SLC22A16: variants seen among roughly 807,000 people sequenced by gnomAD.
The protein encoded by SLC22A16 is solute carrier family 22 member 16.
Under a neutral mutation model 52.9 loss-of-function variants are expected in SLC22A16, and 53 were observed. The observed-to-expected ratio is 1.00, with a 90% CI of 0.80 to 1.26. The LOEUF (loss-of-function observed/expected upper bound fraction) is 1.26, where lower values mean the gene tolerates loss of function less well. SLC22A16 is among the 50% of genes most tolerant of loss of function. SLC22A16 has a pLI of 0.00. For synonymous variants in SLC22A16, 291 were observed against 268.8 expected (o/e 1.08, Z -0.81); for missense variants, 726 against 704.0 (o/e 1.03, Z -0.35).
intron 1 of SLC22A16, among the ~76,000 whole-genome samples, chr6:110,470,487 A>T (rs750831796): frequency 2.0e-5 from 3 of 151,768 alleles, no homozygotes; most frequent in Non-Finnish European, 4.4e-5. Context: ...TACTTCCCCC[A>T]TCCTTCCCAC....
Position 110,438,830 on chromosome 6 carries a change from C to A in SLC22A16, c.1201G>T (p.Ala401Ser). ...ATGGCGATGCACACGAAGGTGTAGGCGGGAATTTCCACTACACCTGTCATT... is the reference window on the plus strand; with the variant it reads ...ATGGCGATGCACACGAAGGTGTAGGAGGGAATTTCCACTACACCTGTCATT... ...LFLLGVVEIP[A>S]YTFVCIAMDK... is the part of the protein sequence containing the mutation. Residue 401 changes from alanine (A) to serine (S), a missense_variant, in exon 5 of 8, where the codon GCC becomes TCC. Coordinates refer to ENST00000368919, the MANE Select transcript of SLC22A16 (RefSeq NM_033125.4). The A allele has an allele frequency of 6.2e-7, 1 of 1,614,010 alleles. No homozygotes were observed. Among genetic ancestry groups the A allele is most frequent in the Non-Finnish European group, 8.5e-7 (1 of 1,179,944 alleles).
At position 110,435,929 on chromosome 6, in the gene SLC22A16, C is replaced by T. The variant is rs139688953; in HGVS notation, c.1344G>A (p.Met448Ile). The change falls in exon 6 of 8, where the codon ATG becomes ATA. Residue 448 changes from methionine (M) to isoleucine (I), a missense_variant. Transcript: ENST00000368919. ...KHYILGVVTA[M>I]VGKFAIGAAF... ...CTGCCCCGATGGCAAATTTTCCAAC[C>T]ATAGCTGTCACCACACCCAAAATAT... 2.7e-5 allele frequency: 44 copies of T among 1,613,870 alleles called. No homozygotes were observed. Among genetic ancestry groups the T allele is most frequent in the Middle Eastern group, 1.6e-4 (1 of 6,080 alleles).
chr6:110,472,119 C>T (rs757300665), intron 1 of SLC22A16, among the ~76,000 whole-genome samples: 15 of 152,348 alleles, frequency 9.8e-5, no homozygotes, highest in South Asian at 4.1e-4. Context: ...AGGCCTGCCC[C>T]GCCTGGAGGG....
intron 7 of SLC22A16, 197 bp from the exon 8 acceptor site, chr6:110,425,282 T>C: frequency 2.7e-6 from 4 of 1,509,126 alleles, no homozygotes; most frequent in Non-Finnish European, 3.6e-6. Context: ...AGGTTTAATC[T>C]CATCACTCAC....
At position 110,457,045 on chromosome 6, in the gene SLC22A16, T is replaced by C. The variant is rs145640861; in HGVS notation, c.54-28A>G. 11 of 1,513,418 alleles carry C rather than the reference T, an allele frequency of 7.3e-6. No individual in the cohort carries two copies. In the East Asian group the frequency reaches 1.8e-4, roughly 25 times the overall value. The allele number at this position is 1,513,418 out of a possible 1,614,324, so 93.7% of individuals were successfully genotyped here. A position where few individuals can be genotyped will look rare whatever the true frequency, so the allele number is the denominator to read the frequency against. Reference sequence around the variant, plus strand: ...GCAAGAGAAGAAAAGCTAATTATTATATCTGGTCTATAGGCTGAAAAAGAA... The same window carrying C: ...GCAAGAGAAGAAAAGCTAATTATTACATCTGGTCTATAGGCTGAAAAAGAA... On this transcript the variant is annotated intron_variant, in intron 1 of 7. Transcript: ENST00000368919.
chr6:110,470,001 T>C (rs925771431), intron 1 of SLC22A16, among the ~76,000 whole-genome samples: 9 of 152,316 alleles, frequency 5.9e-5, no homozygotes, highest in Non-Finnish European at 1.0e-4. Flanking sequence ...GGTGAAAGTA[T>C]GATAAAAGTG....
At chr6:110,429,583 G>A (rs941871918) in intron 7 of SLC22A16, among the ~76,000 whole-genome samples, 2 of 152,194 alleles carry the variant, frequency 1.3e-5, no homozygotes, top group African/African-American at 4.8e-5. Flanking sequence ...GCAGGTGAAT[G>A]ACAGCATGGG....
At chr6:110,427,736 A>G (rs547240554) in intron 7 of SLC22A16, among the ~76,000 whole-genome samples, 1 of 152,150 alleles carries the variant, frequency 6.6e-6, no homozygotes, top group Non-Finnish European at 1.5e-5. Context: ...CTGGCCCCCC[A>G]AAGTGTGGGA....
chr6:110,474,926 A>G (rs777055185), intron 1 of SLC22A16: 1 of 519,010 alleles, frequency 1.9e-6, no homozygotes, highest in South Asian at 1.4e-5. Context: ...TGTAAGTACC[A>G]CCTACCTCAT....
At chr6:110,455,762 TAA>T (rs1339089484) in intron 2 of SLC22A16, 3 of 152,268 alleles carry the variant, frequency 2.0e-5, no homozygotes, top group African/African-American at 7.2e-5. Context: ...TGGGAGGTGA[TAA>T]AGTCATGACA....
intron 7 of SLC22A16, chr6:110,425,436 T>C: frequency 7.6e-7 from 1 of 1,307,954 alleles, no homozygotes; most frequent in Non-Finnish European, 1.0e-6. Flanking sequence ...CCCCAGAATC[T>C]TGTGGAGAAG....
intron 1 of SLC22A16, among the ~76,000 whole-genome samples, chr6:110,459,209 G>T (rs1775777726): frequency 6.6e-6 from 1 of 152,112 alleles, no homozygotes; most frequent in Admixed American, 6.5e-5. Context: ...ACTCCTAAAG[G>T]GTGGGCTAGG....
At chr6:110,427,656 C>G (rs1034851915) in intron 7 of SLC22A16, among the ~76,000 whole-genome samples, 1 of 152,126 alleles carries the variant, frequency 6.6e-6, no homozygotes, top group Non-Finnish European at 1.5e-5. Context: ...CGCACCACCA[C>G]GCTCGGCTAA....
chr6:110,426,102 C>T (rs1449405794), intron 7 of SLC22A16, among the ~76,000 whole-genome samples: 1 of 152,170 alleles, frequency 6.6e-6, no homozygotes, highest in East Asian at 1.9e-4. Context: ...TTTTGCAGAG[C>T]ACTGATAACC....
chr6:110,463,566 C>T (rs369971964), intron 1 of SLC22A16, among the ~76,000 whole-genome samples: 15 of 128,792 alleles, frequency 1.2e-4, no homozygotes, highest in South Asian at 5.4e-4. Context: ...CAATGATACA[C>T]GGTCTAATTC....
chr6:110,455,109 C>A (rs563657397), intron 2 of SLC22A16, among the ~76,000 whole-genome samples: 121 of 143,048 alleles, frequency 8.5e-4, no homozygotes, highest in African/African-American at 3.0e-3. Flanking sequence ...TGTAAGTGTT[C>A]AATATATGTC....
intron 1 of SLC22A16, among the ~76,000 whole-genome samples, chr6:110,467,840 A>G (rs1439562536): frequency 6.6e-6 from 1 of 152,254 alleles, no homozygotes; most frequent in Non-Finnish European, 1.5e-5. Flanking sequence ...ACATTCATAT[A>G]TAAAATGGGT....
At position 110,457,682 on chromosome 6, in the gene SLC22A16, G is replaced by A. The variant is rs913351038; in HGVS notation, c.54-665C>T. 6.0e-4 allele frequency among the ~76,000 whole-genome samples: 91 copies of A among 152,144 alleles called. 1 individual carries two copies. Among genetic ancestry groups the A allele is most frequent in the Non-Finnish European group, 8.8e-5 (6 of 68,030 alleles). ...CCTAAGAAAAACCAGGCCATACAGAGACAGGAGCTGAAGGGACATGGTGAG... is the reference window on the plus strand; with the variant it reads ...CCTAAGAAAAACCAGGCCATACAGAAACAGGAGCTGAAGGGACATGGTGAG... On this transcript the variant is annotated intron_variant, in intron 1 of 7. Coordinates refer to ENST00000368919, the MANE Select transcript of SLC22A16 (RefSeq NM_033125.4).
chr6:110,431,140 C>T, intron 7 of SLC22A16, 31 bp downstream of exon 7: 1 of 1,589,486 alleles, frequency 6.3e-7, no homozygotes. Flanking sequence ...CTCCGTGCCC[C>T]CTTGGGGAGG....
Sources: gnomAD v4.1 joint callset for allele counts (sites outside exome capture counted in the v4.1 genomes callset) on GRCh38, gnomAD v4.1.1 for gene constraint, MANE v1.5 for transcripts, NCBI Gene and HGNC (gene_info 2026-07-23, HGNC 2026-07-21) for gene names.